Variants in KCNQ1 observed in about 807,000 individuals in gnomAD.
The protein encoded by KCNQ1 is potassium voltage-gated channel subfamily Q member 1.
Under a neutral mutation model 72.4 loss-of-function variants are expected in KCNQ1, and 49 were observed. That is an observed-to-expected ratio of 0.68 (90% CI 0.54 to 0.86). The LOEUF is 0.86. Ranked by LOEUF, KCNQ1 falls within the 40% of genes least tolerant of loss-of-function variation. The pLI is 0.00. For synonymous variants in KCNQ1, 450 were observed against 412.6 expected (o/e 1.09, Z -1.10); for missense variants, 790 against 945.1 (o/e 0.84, Z 2.15).
intron 11 of KCNQ1, among the ~76,000 whole-genome samples, chr11:2,737,214 C>T (rs1030324357): frequency 1.8e-4 from 27 of 152,282 alleles, no homozygotes; most frequent in African/African-American, 6.3e-4. Flanking sequence ...GGCTGGATCC[C>T]GAGAGCATCT....
Position 2,848,236 on chromosome 11 carries a change from C to T in KCNQ1, c.*233C>T, listed in dbSNP as rs1179726585. The stretch of plus-strand genomic sequence containing the variant: ...GCCCCGTCTCAGGTCTGAGTTGTTA[C>T]CCCAAGCGCCCTGGCCCCCACATGG... On this transcript the variant is annotated 3_prime_UTR_variant, in exon 16 of 16. Transcript: ENST00000155840. The T allele has an allele frequency of 4.6e-6, 3 of 650,980 alleles. No homozygotes were observed. The highest frequency in any genetic ancestry group is 4.0e-4 in the Middle Eastern group (1 of 2,488). 40.3% of individuals were successfully genotyped at this position (650,980 alleles called of 1,614,324 possible). A position where few individuals can be genotyped will look rare whatever the true frequency, so the allele number is the denominator to read the frequency against.
At chr11:2,749,483 G>A (rs190012514) in intron 11 of KCNQ1, among the ~76,000 whole-genome samples, 11 of 152,128 alleles carry the variant, frequency 7.2e-5, no homozygotes, top group Admixed American at 1.3e-4. Context: ...TTCGTACAAC[G>A]GGAATGATCG....
Position 2,674,832 on chromosome 11 carries a change from T to TAAAA in KCNQ1, c.1514+12776_1514+12779dup, listed in dbSNP as rs34219164. 8.2e-5 allele frequency: 25 copies of TAAAA among 303,834 alleles called. No individual in the cohort carries two copies. The highest frequency in any genetic ancestry group is 5.3e-4 in the Admixed American group (7 of 13,250). 18.8% of individuals were successfully genotyped at this position (303,834 alleles called of 1,614,324 possible). On this transcript the variant is annotated intron_variant, in intron 11 of 15. Coordinates refer to ENST00000155840, the MANE Select transcript of KCNQ1 (RefSeq NM_000218.3). The surrounding 1 kb of genome is among the most constrained non-coding windows in gnomAD (Gnocchi z 5.9). Reference sequence around the variant, plus strand: ...GCTTGTCACCCTAATAGCTGTTTTTTAAAAAAAAAAAAAAAAAAAAAAAAA... The same window carrying TAAAA: ...GCTTGTCACCCTAATAGCTGTTTTTTAAAAAAAAAAAAAAAAAAAAAAAAAAAAA...
chr11:2,800,968 G>A (rs1847251265), intron 15 of KCNQ1, among the ~76,000 whole-genome samples: 1 of 152,188 alleles, frequency 6.6e-6, no homozygotes, highest in African/African-American at 2.4e-5. Flanking sequence ...AGAAGGCATG[G>A]GGAGGCAGGA....
intron 15 of KCNQ1, among the ~76,000 whole-genome samples, chr11:2,842,574 T>G (rs1848235345): frequency 6.6e-6 from 1 of 152,194 alleles, no homozygotes; most frequent in Admixed American, 6.5e-5. Flanking sequence ...GTGAAGGGAA[T>G]TGTACAAGTG....
intron 2 of KCNQ1, among the ~76,000 whole-genome samples, chr11:2,553,919 G>A (rs1457988709): frequency 1.3e-5 from 2 of 152,178 alleles, no homozygotes; most frequent in Non-Finnish European, 2.9e-5. Context: ...GTTTCACCAT[G>A]TTGGCCAGGG....
intron 15 of KCNQ1, among the ~76,000 whole-genome samples, chr11:2,842,142 G>A (rs1848227643): frequency 6.6e-6 from 1 of 152,174 alleles, no homozygotes; most frequent in Non-Finnish European, 1.5e-5. Context: ...CCTCTGAGCG[G>A]ACACACTCAC....
At position 2,712,726 on chromosome 11, in the gene KCNQ1, C is replaced by T. The variant is rs555104904; in HGVS notation, c.1514+50645C>T. On this transcript the variant is annotated intron_variant, in intron 11 of 15. Coordinates refer to ENST00000155840, the MANE Select transcript of KCNQ1 (RefSeq NM_000218.3). The surrounding 1 kb of genome is among the most constrained non-coding windows in gnomAD (Gnocchi z 6.4). ...TCCAGCCTCAGCCTTCCTTGCCATC[C>T]GCAACCACACCAGTGGCTGGAAAGC... Among the ~76,000 whole-genome samples, 72 of 152,324 alleles carry T rather than the reference C, an allele frequency of 4.7e-4. 2 individuals carry two copies. The highest frequency in any genetic ancestry group is 3.5e-3 in the South Asian group (17 of 4,830).
chr11:2,793,373 T>A (rs1406899559), intron 15 of KCNQ1, among the ~76,000 whole-genome samples: 1 of 133,612 alleles, frequency 7.5e-6, no homozygotes, highest in African/African-American at 2.8e-5. Context: ...TAATCCCAGC[T>A]CTTTAGGAGG....
intron 15 of KCNQ1, among the ~76,000 whole-genome samples, chr11:2,801,413 T>C (rs903895104): frequency 6.6e-6 from 1 of 152,164 alleles, no homozygotes; most frequent in African/African-American, 2.4e-5. Context: ...TGAGAGAAAT[T>C]TATTCCTCAC....
At chr11:2,501,563 G>C (rs747159999) in intron 1 of KCNQ1, among the ~76,000 whole-genome samples, 4 of 151,926 alleles carry the variant, frequency 2.6e-5, no homozygotes, top group Non-Finnish European at 4.4e-5. Flanking sequence ...AAAACCCTGA[G>C]ACTTGATGGC....
At chr11:2,812,979 C>A (rs973076545) in intron 15 of KCNQ1, among the ~76,000 whole-genome samples, 1 of 152,258 alleles carries the variant, frequency 6.6e-6, no homozygotes, top group African/African-American at 2.4e-5. Context: ...TCTGCCCCAG[C>A]CTCCAATCCC....
At position 2,651,593 on chromosome 11, in the gene KCNQ1, T is replaced by C. The variant is rs1346595752; in HGVS notation, c.1394-10368T>C. On this transcript the variant is annotated intron_variant, in intron 10 of 15. Transcript: ENST00000155840. This position sits in a 1 kb window ranked among gnomAD's most constrained non-coding sequence, Gnocchi z 6.1. ...CTCCATGTCTCCAGTGCCTGCCACATAGCAGGTCCTCCAAGATTTGCTGAT... is the reference window on the plus strand; with the variant it reads ...CTCCATGTCTCCAGTGCCTGCCACACAGCAGGTCCTCCAAGATTTGCTGAT... 5.0e-6 allele frequency: 2 copies of C among 398,694 alleles called. No homozygotes were observed. Among genetic ancestry groups the C allele is most frequent in the African/African-American group, 4.1e-5 (2 of 48,762 alleles). 24.7% of individuals were successfully genotyped at this position (398,694 alleles called of 1,614,324 possible).
chr11:2,842,118 G>C (rs1156332980), intron 15 of KCNQ1, among the ~76,000 whole-genome samples: 2 of 152,212 alleles, frequency 1.3e-5, no homozygotes, highest in Non-Finnish European at 2.9e-5. Context: ...CAAGGTTGAG[G>C]ATTTGGTCTG....
rs1487293600 is a variant in KCNQ1, at chr11:2,757,845, G to A, written c.1515-10999G>A. The stretch of plus-strand genomic sequence containing the variant: ...TCAACACACGGTACAGGAGCAGTTG[G>A]TCATTCATAGGCCAAATAAATAAAT... On this transcript the variant is annotated intron_variant, in intron 11 of 15. Transcript: ENST00000155840. 1.3e-5 allele frequency among the ~76,000 whole-genome samples: 2 copies of A among 152,164 alleles called. 1 individual carries two copies. Among genetic ancestry groups the A allele is most frequent in the East Asian group, 3.8e-4 (2 of 5,204 alleles).
At chr11:2,535,648 A>T (rs1045948438) in intron 2 of KCNQ1, among the ~76,000 whole-genome samples, 1 of 152,154 alleles carries the variant, frequency 6.6e-6, no homozygotes, top group Non-Finnish European at 1.5e-5. Context: ...CGTCTCTCTC[A>T]TGCGCTGGCC....
At chr11:2,765,810 T>C (rs937604147) in intron 11 of KCNQ1, among the ~76,000 whole-genome samples, 4 of 152,240 alleles carry the variant, frequency 2.6e-5, no homozygotes, top group African/African-American at 9.6e-5. Context: ...TTTCTATCCT[T>C]TCCCAACATG....
chr11:2,574,642 C>T (rs1388419333), intron 6 of KCNQ1, among the ~76,000 whole-genome samples: 3 of 152,194 alleles, frequency 2.0e-5, no homozygotes, highest in Non-Finnish European at 2.9e-5. Context: ...CAGGCAGGCA[C>T]GTGTCCCTGC....
Position 2,623,523 on chromosome 11 carries a change from T to G in KCNQ1, c.1393+34669T>G, listed in dbSNP as rs1000684173. 22 of 398,470 alleles carry G rather than the reference T, an allele frequency of 5.5e-5. No individual in the cohort carries two copies. The highest frequency in any genetic ancestry group is 4.1e-4 in the African/African-American group (20 of 48,640). 24.7% of individuals were successfully genotyped at this position (398,470 alleles called of 1,614,324 possible). On this transcript the variant is annotated intron_variant, in intron 10 of 15. Coordinates refer to ENST00000155840, the MANE Select transcript of KCNQ1 (RefSeq NM_000218.3). The surrounding 1 kb of genome is among the most constrained non-coding windows in gnomAD (Gnocchi z 5.2). ...GCAATATGATTGGAATCATACAGTA[T>G]GTAGTTTCTTCAGATTGCCTTATTT...
Sources: gnomAD v4.1 joint callset for allele counts (sites outside exome capture counted in the v4.1 genomes callset) on GRCh38, gnomAD v4.1.1 for gene constraint, Gnocchi (gnomAD v3.1) non-coding constraint, MANE v1.5 for transcripts, NCBI Gene and HGNC (gene_info 2026-07-23, HGNC 2026-07-21) for gene names.